The following NAALADL2 variants were observed in gnomAD, a reference collection of about 807,000 sequenced individuals.
NAALADL2 encodes inactive N-acetylated-alpha-linked acidic dipeptidase-like protein 2.
Under a neutral mutation model 87.2 loss-of-function variants are expected in NAALADL2, and 76 were observed. The ratio of observed to expected loss-of-function variants is 0.87; its 90% CI spans 0.72 to 1.05. The LOEUF (loss-of-function observed/expected upper bound fraction) is 1.05, where lower values mean the gene tolerates loss of function less well. Ranked by LOEUF, NAALADL2 falls within the 50% of genes least tolerant of loss-of-function variation. NAALADL2 has a pLI of 0.00. For missense variants in NAALADL2, 1,089 were observed against 945.8 expected (o/e 1.15, Z -1.99); for synonymous variants, 354 against 331.0 (o/e 1.07, Z -0.75).
intron 4 of NAALADL2, among the ~76,000 whole-genome samples, chr3:175,263,675 T>C (rs764885242): frequency 2.0e-5 from 3 of 151,810 alleles, no homozygotes; most frequent in Non-Finnish European, 4.4e-5. Flanking sequence ...CATCTTGTTT[T>C]TCCTAATTAA....
At chr3:174,492,945 T>C (rs2108353119) in intron 1 of NAALADL2, among the ~76,000 whole-genome samples, 1 of 152,350 alleles carries the variant, frequency 6.6e-6, no homozygotes, top group East Asian at 1.9e-4. Context: ...TTTAGCTCCA[T>C]TTCTTACTGC....
chr3:175,576,516 A>G (rs183432569), intron 10 of NAALADL2, among the ~76,000 whole-genome samples: 1 of 152,314 alleles, frequency 6.6e-6, no homozygotes, highest in African/African-American at 2.4e-5. Flanking sequence ...TGACATGTGC[A>G]ATAGATTCTC....
intron 1 of NAALADL2, among the ~76,000 whole-genome samples, chr3:174,539,997 A>G (rs1722073511): frequency 6.7e-6 from 1 of 150,178 alleles, no homozygotes; most frequent in African/African-American, 2.4e-5. Flanking sequence ...AAAAAAAAAA[A>G]AAAAAAAAAA....
At chr3:175,330,235 T>A (rs548949035) in intron 5 of NAALADL2, among the ~76,000 whole-genome samples, 1 of 152,290 alleles carries the variant, frequency 6.6e-6, no homozygotes, top group South Asian at 2.1e-4. Context: ...ATGATTAGTT[T>A]AAAAATTTTG....
chr3:175,413,169 T>C (rs1581781279), intron 5 of NAALADL2, among the ~76,000 whole-genome samples: 2 of 141,876 alleles, frequency 1.4e-5, no homozygotes, highest in African/African-American at 5.2e-5. Flanking sequence ...GAGGCTGAGG[T>C]GGGCAGATCT....
At chr3:174,485,822 A>G (rs1486823711) in intron 1 of NAALADL2, among the ~76,000 whole-genome samples, 1 of 151,970 alleles carries the variant, frequency 6.6e-6, no homozygotes, top group Non-Finnish European at 1.5e-5. Context: ...TCCTGTGTCT[A>G]GAATGGTATT....
chr3:174,539,974 C>T (rs1722065754), intron 1 of NAALADL2, among the ~76,000 whole-genome samples: 1 of 69,756 alleles, frequency 1.4e-5, no homozygotes, highest in Admixed American at 2.7e-4. Flanking sequence ...TTAGGAAGTT[C>T]TGGAAAAAAA....
At chr3:174,706,599 T>C (rs1436386536) in intron 2 of NAALADL2, among the ~76,000 whole-genome samples, 1 of 152,228 alleles carries the variant, frequency 6.6e-6, no homozygotes, top group Non-Finnish European at 1.5e-5. Flanking sequence ...CTGTGCACTC[T>C]GATGGTAGTT....
At chr3:175,584,457 G>A (rs1164545353) in intron 10 of NAALADL2, among the ~76,000 whole-genome samples, 1 of 152,208 alleles carries the variant, frequency 6.6e-6, no homozygotes, top group Non-Finnish European at 1.5e-5. Flanking sequence ...TCTATCACCA[G>A]ATTTCTGGAC....
At chr3:174,796,023 C>T (rs1281829867) in intron 3 of NAALADL2, among the ~76,000 whole-genome samples, 1 of 152,106 alleles carries the variant, frequency 6.6e-6, no homozygotes, top group African/African-American at 2.4e-5. Context: ...GAGATGGAGA[C>T]AGGGCCTTTA....
At chr3:174,470,723 G>A (rs1445605497) in intron 1 of NAALADL2, among the ~76,000 whole-genome samples, 2 of 152,006 alleles carry the variant, frequency 1.3e-5, no homozygotes, top group African/African-American at 4.8e-5. Flanking sequence ...TATTGAATAG[G>A]GTATCCTTTT....
intron 1 of NAALADL2, among the ~76,000 whole-genome samples, chr3:174,462,811 CATT>C (rs1373420221): frequency 1.3e-5 from 2 of 152,114 alleles, no homozygotes; most frequent in East Asian, 3.9e-4. Context: ...GGTCTTACAA[CATT>C]ATGGTTTTAA....
chr3:175,327,048 G>C (rs1183609985), intron 5 of NAALADL2, among the ~76,000 whole-genome samples: 2 of 151,816 alleles, frequency 1.3e-5, no homozygotes, highest in African/African-American at 4.8e-5. Context: ...CAAAATACAA[G>C]GAGGTAGTTT....
At chr3:175,013,299 A>ATTT (rs1303778794) in intron 1 of NAALADL2, among the ~76,000 whole-genome samples, 3,157 of 74,970 alleles carry the variant, frequency 0.042, 219 homozygotes, top group East Asian at 0.068. Context: ...ATATATATAT[A>ATTT]TATTTTTTTT....
At chr3:175,472,456 C>T (rs1249973573) in intron 9 of NAALADL2, among the ~76,000 whole-genome samples, 1 of 152,072 alleles carries the variant, frequency 6.6e-6, no homozygotes, top group African/African-American at 2.4e-5. Context: ...TGCTATTTCT[C>T]ATTATGAAAA....
chr3:175,743,057 G>A (rs1745459862), intron 12 of NAALADL2, among the ~76,000 whole-genome samples: 1 of 151,240 alleles, frequency 6.6e-6, no homozygotes, highest in Admixed American at 6.6e-5. Flanking sequence ...GTGCAGTGGT[G>A]CTGCGCGATC....
intron 1 of NAALADL2, among the ~76,000 whole-genome samples, chr3:175,013,278 CATATATAT>C (rs1174600904): frequency 8.1e-5 from 6 of 73,728 alleles, no homozygotes; most frequent in Admixed American, 2.1e-4. Context: ...TATATATATA[CATATATAT>C]ATATATATAT....
chr3:174,991,926 A>T (rs1035110771), intron 1 of NAALADL2, among the ~76,000 whole-genome samples: 2 of 152,070 alleles, frequency 1.3e-5, no homozygotes, highest in Non-Finnish European at 2.9e-5. Context: ...TTCAGAGGAG[A>T]TGTGGATCAG....
chr3:175,536,446 A>G (rs1039169938), intron 9 of NAALADL2, among the ~76,000 whole-genome samples: 1 of 152,174 alleles, frequency 6.6e-6, no homozygotes, highest in African/African-American at 2.4e-5. Flanking sequence ...TGGATAATAT[A>G]AGGAAAGTCT....
Sources: gnomAD v4.1 joint callset for allele counts (sites outside exome capture counted in the v4.1 genomes callset) on GRCh38, gnomAD v4.1.1 for gene constraint, MANE v1.5 for transcripts, NCBI Gene and HGNC (gene_info 2026-07-23, HGNC 2026-07-21) for gene names.